OSBP: variants seen among roughly 807,000 people sequenced by gnomAD.
OSBP encodes oxysterol-binding protein 1.
In OSBP, 32 loss-of-function variants were observed where a neutral mutation model predicts 96.6. The ratio of observed to expected loss-of-function variants is 0.33; its 90% CI spans 0.25 to 0.45. The LOEUF is 0.45. OSBP is among the 20% of genes least tolerant of loss of function. The pLI, the probability that OSBP is intolerant of heterozygous loss-of-function variation, is 1.00. For missense variants in OSBP, 653 were observed against 1,029.7 expected (o/e 0.63, Z 5.01); for synonymous variants, 369 against 389.6 (o/e 0.95, Z 0.62).
rs748966536 is a variant in OSBP, at chr11:59,608,596, C to T, written c.710G>A (p.Arg237His). ...LIAKHGTALQ[R>H]SLSELESLKL... ...CAGGGACTCCAGCTCACTGAGAGAA[C>T]GCTGCAGAGCTGTGCCATGCTTAGC... Residue 237 changes from arginine to histidine, a missense_variant, in exon 3 of 14, where the codon CGT becomes CAT. Arg to His is a conservative substitution (Grantham distance 29). Around this residue, in one of 6 missense-constraint regions of OSBP, gnomAD observed 308 missense variants for 573.1 expected, o/e 0.54. Transcript: ENST00000263847. 7 of 1,614,142 alleles carry T rather than the reference C, an allele frequency of 4.3e-6. No homozygotes were observed. The highest frequency in any genetic ancestry group is 1.7e-5 in the Admixed American group (1 of 60,018).
chr11:59,593,838 T>C, intron 8 of OSBP, 114 bp from the exon 9 acceptor site: 1 of 1,467,686 alleles, frequency 6.8e-7, no homozygotes, highest in Non-Finnish European at 9.3e-7. Context: ...CCCACAACAG[T>C]AGGTGAATCC....
At chr11:59,586,178 G>GAAAAAAAAAAAAAAA (rs34764421) in intron 9 of OSBP, among the ~76,000 whole-genome samples, 5 of 60,388 alleles carry the variant, frequency 8.3e-5, no homozygotes, top group Admixed American at 1.4e-4. Flanking sequence ...AATAAATAAA[G>GAAAAAAAAAAAAAAA]AAAAAAAAAA....
Position 59,576,615 on chromosome 11 carries a change from C to G in OSBP, c.2386G>C (p.Glu796Gln). The G allele has an allele frequency of 1.9e-6, 3 of 1,613,912 alleles. No homozygotes were observed. Among genetic ancestry groups the G allele is most frequent in the Non-Finnish European group, 8.5e-7 (1 of 1,179,986 alleles). ...GGGCATGAGCTCCAGTCCTGTTTTT[C>G]TTTACACTCCCAGTATTCTCCCCTA... ...IYRGEYWECKEKQDWSSCPDI... is the reference protein window; with the variant it reads ...IYRGEYWECKQKQDWSSCPDI... The change falls in exon 14 of 14, where the codon GAA becomes CAA. Residue 796 changes from glutamate (E) to glutamine (Q), a missense_variant. Physicochemically the swap from Glu to Gln is conservative, Grantham distance 29. Coordinates refer to ENST00000263847, the MANE Select transcript of OSBP (RefSeq NM_002556.3).
At position 59,608,598 on chromosome 11, in the gene OSBP, C is replaced by T; in HGVS notation, c.708G>A (p.Gln236=). 6.2e-7 allele frequency: 1 copy of T among 1,614,178 alleles called. No individual in the cohort carries two copies. Among genetic ancestry groups the T allele is most frequent in the Non-Finnish European group, 8.5e-7 (1 of 1,180,022 alleles). The part of the protein sequence containing the change: ...DLIAKHGTAL[Q]RSLSELESLK... Reference sequence around the variant, plus strand: ...GGGACTCCAGCTCACTGAGAGAACGCTGCAGAGCTGTGCCATGCTTAGCTA... The same window carrying T: ...GGGACTCCAGCTCACTGAGAGAACGTTGCAGAGCTGTGCCATGCTTAGCTA... Residue 236 remains glutamine (Q), a synonymous_variant, in exon 3 of 14, where the codon CAG becomes CAA. Transcript: ENST00000263847.
Position 59,614,241 on chromosome 11 carries a change from C to T in OSBP, c.362+1062G>A, listed in dbSNP as rs563458051. Among the ~76,000 whole-genome samples the T allele has an allele frequency of 2.0e-5, 3 of 152,220 alleles. No homozygotes were observed. The East Asian group carries it at 5.8e-4, about 29-fold the overall frequency. On this transcript the variant is annotated intron_variant, in intron 1 of 13. Coordinates refer to ENST00000263847, the MANE Select transcript of OSBP (RefSeq NM_002556.3). ...GTGTGAACAGAAGTAGTTTCAAATC[C>T]CAGCTGCTCAAAAACCTTGGGAAAG... is the stretch of plus-strand genomic sequence containing the variant.
chr11:59,612,887 T>TG (rs1180343860), intron 1 of OSBP, among the ~76,000 whole-genome samples: 1 of 152,176 alleles, frequency 6.6e-6, no homozygotes, highest in Non-Finnish European at 1.5e-5. Context: ...TCTAAGTAAC[T>TG]GGGTACGTAA....
Position 59,576,730 on chromosome 11 carries a change from AAG to A in OSBP, c.2282-13_2282-12del, listed in dbSNP as rs777897031. On this transcript the variant is annotated splice_polypyrimidine_tract_variant and intron_variant, in intron 13 of 13. Transcript: ENST00000263847. ...GATCATATGGTGTGCCTAAAAGGAA[AAG>A]AGAGGAAAGAAAAAAATTAGTGCTG... is the stretch of plus-strand genomic sequence containing the variant. 22 of 1,611,880 alleles carry A rather than the reference AAG, an allele frequency of 1.4e-5. No homozygotes were observed. The African/African-American group carries it at 2.9e-4, about 22-fold the overall frequency.
rs1407629159 is a variant in OSBP at position 59,593,633 on chromosome 11, C to T, written c.1649G>A (p.Arg550Gln). The T allele has an allele frequency of 6.2e-7, 1 of 1,613,872 alleles. No individual in the cohort carries two copies. The highest frequency in any genetic ancestry group is 8.5e-7 in the Non-Finnish European group (1 of 1,179,970). Residue 550 changes from arginine to glutamine, a missense_variant, in exon 9 of 14, where the codon CGA becomes CAA. Transcript: ENST00000263847. ...GGGCATAATGGAGAGGTATTTGCCT[C>T]GAAACTTGCTGGTGATTTTGATTTC... ...RQEIKITSKF[R>Q]GKYLSIMPLG...
At position 59,608,637 on chromosome 11, in the gene OSBP, C is replaced by A. The variant is rs1424757184; in HGVS notation, c.669G>T (p.Thr223=). 3 of 1,613,990 alleles carry A rather than the reference C, an allele frequency of 1.9e-6. No individual in the cohort carries two copies. Among genetic ancestry groups the A allele is most frequent in the Admixed American group, 3.3e-5 (2 of 60,002 alleles). Residue 223 remains threonine, a synonymous_variant, in exon 3 of 14, where the codon ACG becomes ACT. Coordinates refer to ENST00000263847, the MANE Select transcript of OSBP (RefSeq NM_002556.3). ...CATGCTTAGCTATCAAGTCATTGCA[C>A]GTGCTCAAGTCCTCTACTTTGCTAG... is the stretch of plus-strand genomic sequence containing the variant. ...TLSSKVEDLS[T]CNDLIAKHGT...
chr11:59,607,096 C>T (rs1860788704), intron 3 of OSBP, among the ~76,000 whole-genome samples: 1 of 151,856 alleles, frequency 6.6e-6, no homozygotes, highest in Admixed American at 6.6e-5. Context: ...ATTTTTACAT[C>T]AAGGTAAAAA....
chr11:59,581,128 T>A (rs2134652386), intron 10 of OSBP, among the ~76,000 whole-genome samples: 1 of 152,322 alleles, frequency 6.6e-6, no homozygotes, highest in South Asian at 2.1e-4. Context: ...GCATACTGCC[T>A]GGCAATAAAT....
chr11:59,583,942 T>TG (rs1164103810), intron 9 of OSBP, among the ~76,000 whole-genome samples: 14 of 135,356 alleles, frequency 1.0e-4, no homozygotes, highest in African/African-American at 4.1e-4. Context: ...CTGATGGTGT[T>TG]TTTTTTTTTT....
At chr11:59,579,861 G>A (rs569143709) in intron 11 of OSBP, among the ~76,000 whole-genome samples, 3 of 151,696 alleles carry the variant, frequency 2.0e-5, no homozygotes, top group South Asian at 4.2e-4. Context: ...ACAGGCACGC[G>A]CCACCACACC....
chr11:59,602,237 T>C (rs945372801), intron 3 of OSBP, among the ~76,000 whole-genome samples: 1 of 152,074 alleles, frequency 6.6e-6, no homozygotes, highest in African/African-American at 2.4e-5. Context: ...TTGACTAAAC[T>C]CAAGTAACTG....
chr11:59,606,009 C>A (rs1211834511), intron 3 of OSBP, among the ~76,000 whole-genome samples: 1 of 152,130 alleles, frequency 6.6e-6, no homozygotes, highest in African/African-American at 2.4e-5. Context: ...TCTCACTGCT[C>A]CTTCAGAATT....
At chr11:59,613,838 T>C (rs892579684) in intron 1 of OSBP, among the ~76,000 whole-genome samples, 1 of 152,216 alleles carries the variant, frequency 6.6e-6, no homozygotes, top group South Asian at 2.1e-4. Flanking sequence ...TAAAAATGTG[T>C]TCCTGCCAAC....
chr11:59,579,056 CT>C (rs1860390426), intron 11 of OSBP, among the ~76,000 whole-genome samples: 1 of 152,178 alleles, frequency 6.6e-6, no homozygotes, highest in South Asian at 2.1e-4. Context: ...GTCCCCTCCC[CT>C]CACTACCCTT....
rs1162051964 is a variant in OSBP, at chr11:59,610,595, A to G, written c.363-6T>C. On this transcript the variant is annotated splice_region_variant and splice_polypyrimidine_tract_variant and intron_variant, in intron 1 of 13. Coordinates refer to ENST00000263847, the MANE Select transcript of OSBP (RefSeq NM_002556.3). ...GTCTCATTTCTGCCTTTGATCTGTA[A>G]TAACAAGACAAAGACAATTTAAACA... 1 of 1,608,136 alleles carries G rather than the reference A, an allele frequency of 6.2e-7. No individual in the cohort carries two copies. The highest frequency in any genetic ancestry group is 8.5e-7 in the Non-Finnish European group (1 of 1,174,530).
intron 7 of OSBP, among the ~76,000 whole-genome samples, chr11:59,596,847 C>A (rs1393444868): frequency 6.6e-6 from 1 of 152,100 alleles, no homozygotes; most frequent in Non-Finnish European, 1.5e-5. Context: ...TGGTATCTTG[C>A]ATTAGTGAAG....
Sources: gnomAD v4.1 joint callset for allele counts (sites outside exome capture counted in the v4.1 genomes callset) on GRCh38, gnomAD v4.1.1 for gene constraint, gnomAD v4.1.1 regional missense constraint, MANE v1.5 for transcripts, NCBI Gene and HGNC (gene_info 2026-07-23, HGNC 2026-07-21) for gene names.